Variants in SCARA5 observed in about 807,000 individuals in gnomAD.
The protein encoded by SCARA5 is scavenger receptor class A member 5, also known as scavenger receptor class A, member 5 (putative).
Under a neutral mutation model 46.3 loss-of-function variants are expected in SCARA5, and 45 were observed. The ratio of observed to expected loss-of-function variants is 0.97; its 90% CI spans 0.76 to 1.24. SCARA5 has a LOEUF of 1.24. Among genes scored for constraint, SCARA5 ranks in the 50% most tolerant of loss-of-function variants. The probability of loss-of-function intolerance (pLI) is 0.00; values close to 1 mark genes in which losing one functional copy is unlikely to be tolerated. For synonymous variants in SCARA5, 333 were observed against 306.5 expected (o/e 1.09, Z -0.90); for missense variants, 680 against 689.0 (o/e 0.99, Z 0.15).
At chr8:27,908,643 C>T (rs983576018) in intron 5 of SCARA5, among the ~76,000 whole-genome samples, 4 of 152,188 alleles carry the variant, frequency 2.6e-5, no homozygotes, top group Non-Finnish European at 5.9e-5. Context: ...CCTCCTAATA[C>T]AACATATCTG....
chr8:27,986,815 A>G (rs1217613619), intron 2 of SCARA5, among the ~76,000 whole-genome samples: 3 of 152,218 alleles, frequency 2.0e-5, no homozygotes, highest in African/African-American at 7.2e-5. Context: ...AGTAAGCTTC[A>G]TTCTATTTCT....
intron 4 of SCARA5, among the ~76,000 whole-genome samples, chr8:27,918,547 G>A (rs1321749756): frequency 1.3e-5 from 2 of 150,348 alleles, no homozygotes; most frequent in Non-Finnish European, 3.0e-5. Context: ...AGGAGGAAGA[G>A]GAAAAGGAGG....
At chr8:27,942,081 G>T (rs186922765) in intron 3 of SCARA5, among the ~76,000 whole-genome samples, 1 of 151,842 alleles carries the variant, frequency 6.6e-6, no homozygotes, top group African/African-American at 2.4e-5. Flanking sequence ...TACCCACCTC[G>T]GCCTCCCATA....
At chr8:27,965,409 C>T (rs1443501540) in intron 3 of SCARA5, among the ~76,000 whole-genome samples, 2 of 152,244 alleles carry the variant, frequency 1.3e-5, no homozygotes, top group Non-Finnish European at 2.9e-5. Context: ...CCCACCAACT[C>T]CACCTGCTTC....
chr8:27,909,576 G>C, intron 5 of SCARA5, 87 bp downstream of exon 5: 1 of 930,544 alleles, frequency 1.1e-6, no homozygotes, highest in Non-Finnish European at 1.7e-6. Flanking sequence ...CCCCTGGGGA[G>C]CCCTGGCATT....
intron 3 of SCARA5, among the ~76,000 whole-genome samples, chr8:27,962,275 C>T (rs143232304): frequency 6.6e-6 from 1 of 152,164 alleles, no homozygotes. Flanking sequence ...GTGTTAATTA[C>T]CTCCTTGAAA....
intron 4 of SCARA5, among the ~76,000 whole-genome samples, chr8:27,913,674 C>T (rs1807414948): frequency 6.6e-6 from 1 of 152,212 alleles, no homozygotes; most frequent in African/African-American, 2.4e-5. Context: ...CCGTCTCTCT[C>T]CAGCCCATGT....
At chr8:27,872,551 CG>C (rs1381769949) in intron 8 of SCARA5, among the ~76,000 whole-genome samples, 4 of 152,156 alleles carry the variant, frequency 2.6e-5, no homozygotes, top group Admixed American at 1.3e-4. Context: ...GCAGTGAATC[CG>C]GGGATGGAGG....
At chr8:27,965,106 T>C (rs1300392744) in intron 3 of SCARA5, among the ~76,000 whole-genome samples, 1 of 152,158 alleles carries the variant, frequency 6.6e-6, no homozygotes, top group African/African-American at 2.4e-5. Context: ...TGCTGTTGGC[T>C]GCCCCTCAGG....
At position 27,976,114 on chromosome 8, in the gene SCARA5, C is replaced by T. The variant is rs73669115; in HGVS notation, c.113-9572G>A. On this transcript the variant is annotated intron_variant, in intron 2 of 8. Transcript: ENST00000354914. The stretch of plus-strand genomic sequence containing the variant: ...GATGCCCGGTGTGCGTCTTCTTCCG[C>T]AGCCGGGGCTGAGGGGTGGAGAGAG... Among the ~76,000 whole-genome samples the T allele has an allele frequency of 1.3e-3, 191 of 152,006 alleles. 2 individuals carry two copies. The highest frequency in any genetic ancestry group is 4.5e-3 in the African/African-American group (188 of 41,420).
At chr8:27,974,786 C>T (rs1808498419) in intron 2 of SCARA5, among the ~76,000 whole-genome samples, 2 of 152,022 alleles carry the variant, frequency 1.3e-5, no homozygotes, top group Non-Finnish European at 2.9e-5. Context: ...GGCACTGCCA[C>T]CGAGAGCCAC....
At chr8:27,944,784 C>G (rs1455183970) in intron 3 of SCARA5, among the ~76,000 whole-genome samples, 1 of 151,482 alleles carries the variant, frequency 6.6e-6, no homozygotes, top group African/African-American at 2.4e-5. Context: ...GTGGGAGAAT[C>G]ATTTGAACCT....
At chr8:27,893,269 G>C (rs1045870054) in intron 7 of SCARA5, among the ~76,000 whole-genome samples, 1 of 152,162 alleles carries the variant, frequency 6.6e-6, no homozygotes, top group African/African-American at 2.4e-5. Flanking sequence ...GGCTCCTGCT[G>C]TCAGCAACTT....
At chr8:27,968,407 G>A (rs1808401006) in intron 2 of SCARA5, among the ~76,000 whole-genome samples, 1 of 152,192 alleles carries the variant, frequency 6.6e-6, no homozygotes, top group African/African-American at 2.4e-5. Context: ...AGACAAAATA[G>A]AGCACATCTT....
chr8:27,952,686 T>A (rs1179178771), intron 3 of SCARA5, among the ~76,000 whole-genome samples: 1 of 152,228 alleles, frequency 6.6e-6, no homozygotes, highest in African/African-American at 2.4e-5. Flanking sequence ...TATACCCACT[T>A]TGACAGCAAT....
At position 27,987,562 on chromosome 8, in the gene SCARA5, G is replaced by A. The variant is rs987956547; in HGVS notation, c.54C>T (p.Ser18=). 6.2e-7 allele frequency: 1 copy of A among 1,614,164 alleles called. No individual in the cohort carries two copies. Among genetic ancestry groups the A allele is most frequent in the African/African-American group, 1.3e-5 (1 of 75,054 alleles). ...LHTVSDCDTS[S]ICEDSFDGRS... is the part of the protein sequence containing the mutation. Reference sequence around the variant, plus strand: ...TGCCATCAAAGGAATCCTCACAGATGGAGCTGGTGTCACAGTCGCTGACGG... The same window carrying A: ...TGCCATCAAAGGAATCCTCACAGATAGAGCTGGTGTCACAGTCGCTGACGG... Residue 18 remains serine, a synonymous_variant, in exon 2 of 9, where the codon TCC becomes TCT. Coordinates refer to ENST00000354914, the MANE Select transcript of SCARA5 (RefSeq NM_173833.6).
At chr8:27,989,586 C>T (rs1037797988) in intron 1 of SCARA5, among the ~76,000 whole-genome samples, 21 of 152,320 alleles carry the variant, frequency 1.4e-4, no homozygotes, top group African/African-American at 5.1e-4. Context: ...TCCCCCATAA[C>T]GGGCACACAC....
chr8:27,893,695 ATCTGG>A (rs1306598353), intron 7 of SCARA5, among the ~76,000 whole-genome samples: 1 of 152,176 alleles, frequency 6.6e-6, no homozygotes, highest in East Asian at 1.9e-4. Flanking sequence ...TAAAGCCAGG[ATCTGG>A]TTTCACTTAC....
chr8:27,989,992 T>A (rs913909155), intron 1 of SCARA5, among the ~76,000 whole-genome samples: 9 of 152,232 alleles, frequency 5.9e-5, no homozygotes, highest in African/African-American at 2.2e-4. Context: ...GGCAATAGCC[T>A]CTGCTTCCCA....
Sources: allele counts gnomAD v4.1 joint callset (sites outside exome capture counted in the v4.1 genomes callset), GRCh38; gene constraint gnomAD v4.1.1; transcripts MANE v1.5; gene names NCBI Gene and HGNC (gene_info 2026-07-23, HGNC 2026-07-21).